Variants in CFAP77 observed in about 807,000 individuals in gnomAD.
CFAP77 encodes the protein cilia- and flagella-associated protein 77.
CFAP77 carries 25 observed loss-of-function variants against 31.1 expected under a neutral mutation model. That is an observed-to-expected ratio of 0.80 (90% CI 0.59 to 1.12). CFAP77 has a LOEUF of 1.12. Among genes scored for constraint, CFAP77 ranks in the 50% most tolerant of loss-of-function variants. The probability of loss-of-function intolerance (pLI) is 0.00; values close to 1 mark genes in which losing one functional copy is unlikely to be tolerated. For missense variants in CFAP77, 377 were observed against 397.3 expected (o/e 0.95, Z 0.44); for synonymous variants, 151 against 159.9 (o/e 0.94, Z 0.42).
intron 1 of CFAP77, among the ~76,000 whole-genome samples, chr9:132,422,731 G>T (rs1186973962): frequency 6.6e-6 from 1 of 152,162 alleles, no homozygotes; most frequent in African/African-American, 2.4e-5. Context: ...TACACAAAGG[G>T]CTGAGAGACA....
intron 1 of CFAP77, among the ~76,000 whole-genome samples, chr9:132,439,513 A>G (rs1379138889): frequency 1.3e-5 from 2 of 152,024 alleles, no homozygotes; most frequent in Non-Finnish European, 1.5e-5. Flanking sequence ...CTTCAGATAA[A>G]TCAGCTGCTG....
intron 3 of CFAP77, among the ~76,000 whole-genome samples, chr9:132,519,157 T>G: frequency 7.7e-6 from 1 of 130,492 alleles, no homozygotes. Flanking sequence ...TCCGGATGGG[T>G]GGATGGATAG....
chr9:132,541,289 G>C (rs931470235), intron 4 of CFAP77, among the ~76,000 whole-genome samples: 9 of 152,256 alleles, frequency 5.9e-5, no homozygotes, highest in Admixed American at 5.2e-4. Context: ...ACCCTGCTCA[G>C]TGGGCGTTGG....
Position 132,539,351 on chromosome 9 carries a change from T to C in CFAP77, c.630+1645T>C, listed in dbSNP as rs1369624538. On this transcript the variant is annotated intron_variant, in intron 4 of 5. Transcript: ENST00000393216. The surrounding 1 kb of genome is among the most constrained non-coding windows in gnomAD (Gnocchi z 4.3). ...TGAGGGCTGGGCTGAGTATGCACCCTGAGTTTCTGCATTTAGTTCTCTGAG... is the reference window on the plus strand; with the variant it reads ...TGAGGGCTGGGCTGAGTATGCACCCCGAGTTTCTGCATTTAGTTCTCTGAG... Among the ~76,000 whole-genome samples, 1 of 152,148 alleles carries C rather than the reference T, an allele frequency of 6.6e-6. No homozygotes were observed. The highest frequency in any genetic ancestry group is 1.9e-4 in the East Asian group (1 of 5,174).
chr9:132,476,552 C>T (rs1305758403), intron 1 of CFAP77, among the ~76,000 whole-genome samples: 1 of 152,086 alleles, frequency 6.6e-6, no homozygotes, highest in Non-Finnish European at 1.5e-5. Context: ...AGTGCTGTGA[C>T]CTTACTTGGA....
At chr9:132,466,437 G>A (rs1035309481) in intron 1 of CFAP77, among the ~76,000 whole-genome samples, 1 of 152,176 alleles carries the variant, frequency 6.6e-6, no homozygotes, top group African/African-American at 2.4e-5. Context: ...GTCCCAGGAG[G>A]AGCACAGTTC....
chr9:132,469,616 G>T (rs765661072), intron 1 of CFAP77, among the ~76,000 whole-genome samples: 29 of 152,180 alleles, frequency 1.9e-4, no homozygotes, highest in Non-Finnish European at 3.8e-4. Context: ...TCACTTATGG[G>T]CTTCAGCATT....
intron 1 of CFAP77, among the ~76,000 whole-genome samples, chr9:132,426,192 A>G (rs779098044): frequency 6.6e-6 from 1 of 152,224 alleles, no homozygotes; most frequent in Non-Finnish European, 1.5e-5. Flanking sequence ...TGTCAGGAGA[A>G]AGGATTTGAC....
intron 1 of CFAP77, among the ~76,000 whole-genome samples, chr9:132,468,789 A>ATG (rs887817358): frequency 2.2e-5 from 2 of 89,270 alleles, no homozygotes; most frequent in South Asian, 4.0e-4. Flanking sequence ...GCACACACAC[A>ATG]CGCACACACA....
intron 1 of CFAP77, among the ~76,000 whole-genome samples, chr9:132,470,477 T>C (rs1589869840): frequency 6.6e-6 from 1 of 152,188 alleles, no homozygotes; most frequent in South Asian, 2.1e-4. Flanking sequence ...TGGGAAGAGG[T>C]GGAGTCCAGT....
At position 132,501,040 on chromosome 9, in the gene CFAP77, T is replaced by A. The variant is rs1851832447; in HGVS notation, c.524+1440T>A. Among the ~76,000 whole-genome samples, 1 of 152,256 alleles carries A rather than the reference T, an allele frequency of 6.6e-6. No homozygotes were observed. The highest frequency in any genetic ancestry group is 6.5e-5 in the Admixed American group (1 of 15,288). The stretch of plus-strand genomic sequence containing the variant: ...CAGAGTTATCTTGCTAACACACAGA[T>A]GAAATGAGCCAGACATGACCCATGT... On this transcript the variant is annotated intron_variant, in intron 3 of 5. Transcript: ENST00000393216. The surrounding 1 kb of genome is among the most constrained non-coding windows in gnomAD (Gnocchi z 4.6).
chr9:132,499,246 C>A lies in CFAP77; in HGVS notation c.296-126C>A. The A allele has an allele frequency of 1.3e-6, 1 of 799,988 alleles. No individual in the cohort carries two copies. Among genetic ancestry groups the A allele is most frequent in the Non-Finnish European group, 2.0e-6 (1 of 507,468 alleles). 49.6% of individuals were successfully genotyped at this position (799,988 alleles called of 1,614,324 possible). A position where few individuals can be genotyped will look rare whatever the true frequency, so the allele number is the denominator to read the frequency against. ...CTTTCTGGGGGCCAGGCAGGGTTGT[C>A]ACCCAGTAGGCTCAGGTAAATGGGA... On this transcript the variant is annotated intron_variant, in intron 2 of 5. Transcript: ENST00000393216. This position sits in a 1 kb window ranked among gnomAD's most constrained non-coding sequence, Gnocchi z 5.4.
At chr9:132,469,380 G>C (rs548276860) in intron 1 of CFAP77, among the ~76,000 whole-genome samples, 2 of 152,300 alleles carry the variant, frequency 1.3e-5, no homozygotes, top group Admixed American at 1.3e-4. Flanking sequence ...TAATTTAAAT[G>C]CTTCATAAAT....
intron 1 of CFAP77, among the ~76,000 whole-genome samples, chr9:132,428,063 A>G (rs1564200544): frequency 1.3e-5 from 2 of 151,744 alleles, no homozygotes; most frequent in African/African-American, 4.8e-5. Context: ...CAGTGGTACA[A>G]TCATAGCTCA....
At chr9:132,412,048 C>T (rs1249444345) in intron 1 of CFAP77, among the ~76,000 whole-genome samples, 1 of 152,054 alleles carries the variant, frequency 6.6e-6, no homozygotes, top group African/African-American at 2.4e-5. Context: ...CTTTTGCTTC[C>T]CCCGCCCCAC....
chr9:132,472,193 T>C (rs1851271993), intron 1 of CFAP77, among the ~76,000 whole-genome samples: 1 of 152,140 alleles, frequency 6.6e-6, no homozygotes. Context: ...CACTTCAATA[T>C]TCCCAGCACT....
intron 5 of CFAP77, among the ~76,000 whole-genome samples, chr9:132,556,281 C>T (rs532842582): frequency 6.6e-6 from 1 of 152,308 alleles, no homozygotes; most frequent in Non-Finnish European, 1.5e-5. Context: ...TCCTCCTCCC[C>T]ACTGAAGATC....
Position 132,438,535 on chromosome 9 carries a change from A to ATTTT in CFAP77, c.195+28070_195+28071insTTTT, listed in dbSNP as rs1850551538. 1.4e-4 allele frequency among the ~76,000 whole-genome samples: 15 copies of ATTTT among 107,934 alleles called. No homozygotes were observed. The South Asian group carries it at 1.6e-3, about 11-fold the overall frequency. The allele number at this position is 107,934 out of a possible 152,430, so 70.8% of individuals were successfully genotyped here. ...ACAGATATGGTATATATATATATATATATATATTTTTTTTTTTTTTTTTAG... is the reference window on the plus strand; with the variant it reads ...ACAGATATGGTATATATATATATATATTTTTATATATTTTTTTTTTTTTTTTTAG... On this transcript the variant is annotated intron_variant, in intron 1 of 5. Transcript: ENST00000393216.
chr9:132,548,373 G>A (rs1852769338), intron 5 of CFAP77, among the ~76,000 whole-genome samples: 1 of 152,116 alleles, frequency 6.6e-6, no homozygotes, highest in Non-Finnish European at 1.5e-5. Flanking sequence ...TCCAAAACCA[G>A]TAAGGCTATT....
Sources: allele counts gnomAD v4.1 joint callset (sites outside exome capture counted in the v4.1 genomes callset), GRCh38; gene constraint gnomAD v4.1.1; non-coding constraint Gnocchi (gnomAD v3.1); transcripts MANE v1.5; gene names NCBI Gene and HGNC (gene_info 2026-07-23, HGNC 2026-07-21).